The following DMBT1 variants were observed in gnomAD, a reference collection of about 807,000 sequenced individuals.
DMBT1 encodes the protein scavenger receptor cysteine-rich domain-containing protein DMBT1.
In DMBT1, 198 loss-of-function variants were observed where a neutral mutation model predicts 252.9. That is an observed-to-expected ratio of 0.78 (90% CI 0.70 to 0.88). The LOEUF is 0.88. Ranked by LOEUF, DMBT1 falls within the 40% of genes least tolerant of loss-of-function variation. The pLI is 0.00. For synonymous variants in DMBT1, 990 were observed against 942.7 expected (o/e 1.05, Z -0.92); for missense variants, 2,432 against 2,404.7 (o/e 1.01, Z -0.24).
At chr10:122,631,414 A>G in intron 49 of DMBT1, 133 bp downstream of exon 49, 1 of 1,140,084 alleles carries the variant, frequency 8.8e-7, no homozygotes, top group Non-Finnish European at 1.2e-6. Flanking sequence ...TGCGCACTCC[A>G]GAAGAGCATG....
chr10:122,634,472 CTCTCTCTCTTTCTCTCTT>C (rs1566009840), intron 52 of DMBT1, among the ~76,000 whole-genome samples: 4 of 104,054 alleles, frequency 3.8e-5, no homozygotes, highest in African/African-American at 1.9e-4. Flanking sequence ...CTCTCTCTCT[CTCTCTCTCTTTCTCTCTT>C]TTTCTTTCTT....
chr10:122,643,560 G>T lies in DMBT1; in HGVS notation c.*162G>T. On this transcript the variant is annotated 3_prime_UTR_variant, in exon 56 of 56. Coordinates refer to ENST00000338354, the MANE Select transcript of DMBT1 (RefSeq NM_001377530.1). ...AGACCTGGTTCCCGCCTCCCCCAAG[G>T]CTCATGGTCCTTGGAGGACCCGTTG... The T allele has an allele frequency of 9.3e-7, 1 of 1,069,762 alleles. No homozygotes were observed. Among genetic ancestry groups the T allele is most frequent in the Admixed American group, 2.7e-5 (1 of 36,706 alleles). 66.3% of individuals were successfully genotyped at this position (1,069,762 alleles called of 1,614,324 possible).
intron 10 of DMBT1, 146 bp downstream of exon 10, chr10:122,580,047 T>G (rs2097754310): frequency 6.0e-5 from 88 of 1,454,658 alleles, no homozygotes; most frequent in Non-Finnish European, 7.9e-5. Context: ...AGAATCCATA[T>G]GTACTCACTG....
chr10:122,566,458 C>T (rs567668801), intron 2 of DMBT1, among the ~76,000 whole-genome samples: 35 of 151,994 alleles, frequency 2.3e-4, no homozygotes, highest in African/African-American at 7.5e-4. Context: ...ACTACAGGTG[C>T]GCACCACCAC....
At chr10:122,581,891 ATAGGATG>A in intron 12 of DMBT1, 66 bp downstream of exon 12, 1 of 369,888 alleles carries the variant, frequency 2.7e-6, no homozygotes, top group Non-Finnish European at 4.6e-6. Flanking sequence ...TTTGAAACTG[ATAGGATG>A]AGGCTCAATG....
chr10:122,568,335 G>A (rs2097621449), intron 2 of DMBT1, among the ~76,000 whole-genome samples: 1 of 152,126 alleles, frequency 6.6e-6, no homozygotes, highest in African/African-American at 2.4e-5. Flanking sequence ...GGCTGTCAGG[G>A]CTGAGTCAGA....
intron 46 of DMBT1, among the ~76,000 whole-genome samples, chr10:122,628,079 A>G (rs1326636396): frequency 1.3e-5 from 2 of 152,214 alleles, no homozygotes. Flanking sequence ...GGGAATGTAA[A>G]ATGGTACAGC....
intron 1 of DMBT1, among the ~76,000 whole-genome samples, chr10:122,562,012 C>T (rs1274304753): frequency 2.6e-5 from 4 of 151,482 alleles, no homozygotes; most frequent in African/African-American, 9.7e-5. Flanking sequence ...ACCTTCCCTC[C>T]CCCTCTCTTT....
At chr10:122,623,923 A>G (rs1198164142) in intron 44 of DMBT1, among the ~76,000 whole-genome samples, 1 of 152,222 alleles carries the variant, frequency 6.6e-6, no homozygotes, top group Non-Finnish European at 1.5e-5. Context: ...GGTATGCACA[A>G]CTAAGTGTCC....
At chr10:122,588,012 A>C (rs1465000125) in intron 16 of DMBT1, among the ~76,000 whole-genome samples, 2 of 148,620 alleles carry the variant, frequency 1.3e-5, no homozygotes, top group Non-Finnish European at 3.0e-5. Flanking sequence ...AGCAAGTGGC[A>C]AAAACCAGAA....
chr10:122,621,261 C>G lies in DMBT1; in HGVS notation c.5489C>G (p.Pro1830Arg). 2 of 1,613,804 alleles carry G rather than the reference C, an allele frequency of 1.2e-6. No homozygotes were observed. Among genetic ancestry groups the G allele is most frequent in the East Asian group, 2.2e-5 (1 of 44,866 alleles). Residue 1830 changes from proline (P) to arginine (R), a missense_variant, in exon 44 of 56, where the codon CCC (proline) becomes CGC (arginine). This residue lies in a region of DMBT1 where 1,162 missense variants were observed against 1,169.0 expected (regional missense o/e 0.99). Transcript: ENST00000338354. ...GCCCGGTTTGGCCAGGGCTCAGGAC[C>G]CATTGTCCTGGATGATGTGCGCTGC... Reference protein sequence around the residue: ...GNARFGQGSGPIVLDDVRCSG... With the variant: ...GNARFGQGSGRIVLDDVRCSG...
chr10:122,637,062 C>T (rs1191671883), intron 53 of DMBT1, 66 bp from the exon 54 acceptor site: 1 of 1,495,250 alleles, frequency 6.7e-7, no homozygotes, highest in Non-Finnish European at 9.1e-7. Context: ...GAAACAGCCT[C>T]TGGCCCCGTA....
chr10:122,562,595 C>T (rs184479490), intron 1 of DMBT1, among the ~76,000 whole-genome samples: 1 of 152,368 alleles, frequency 6.6e-6, no homozygotes, highest in Admixed American at 6.5e-5. Flanking sequence ...TGAACCATGA[C>T]ATGGAATTCA....
chr10:122,589,378 CT>C, intron 17 of DMBT1, 111 bp downstream of exon 17: 3 of 1,473,152 alleles, frequency 2.0e-6, no homozygotes, highest in Non-Finnish European at 2.7e-6. Flanking sequence ...TCCTATGTTT[CT>C]GATATCTCCT....
Position 122,598,922 on chromosome 10 carries a change from C to A in DMBT1, c.3105C>A (p.Gly1035=). 6.2e-7 allele frequency: 1 copy of A among 1,613,834 alleles called. No individual in the cohort carries two copies. Among genetic ancestry groups the A allele is most frequent in the African/African-American group, 1.3e-5 (1 of 75,050 alleles). Residue 1035 remains glycine (G), a synonymous_variant, in exon 26 of 56, where the codon GGC becomes GGA. Transcript: ENST00000338354. The part of the protein sequence containing the change: ...NDANVVCRQL[G]CGWAMSAPGN... ...CCAATGTCGTCTGCAGGCAACTGGG[C>A]TGTGGCTGGGCCATGTCAGCCCCAG... is the stretch of plus-strand genomic sequence containing the variant.
Position 122,579,655 on chromosome 10 carries a change from G to A in DMBT1, c.757G>A (p.Gly253Ser), listed in dbSNP as rs200816232. 654 of 1,613,800 alleles carry A rather than the reference G, an allele frequency of 4.1e-4. 3 individuals are homozygous for A. Among genetic ancestry groups the A allele is most frequent in the Non-Finnish European group, 1.4e-4 (170 of 1,179,784 alleles). The change falls in exon 10 of 56, where the codon GGC becomes AGC. Residue 253 changes from glycine to serine, a missense_variant. Physicochemically the swap from Gly to Ser is moderately conservative, Grantham distance 56. Coordinates refer to ENST00000338354, the MANE Select transcript of DMBT1 (RefSeq NM_001377530.1). ...CRGRVEVLYR[G>S]SWGTVCDDYW... ...AGGCCGAGTGGAGGTCCTATACCGA[G>A]GCTCCTGGGGCACCGTGTGTGATGA...
intron 54 of DMBT1, among the ~76,000 whole-genome samples, chr10:122,639,451 G>T (rs561260334): frequency 2.0e-5 from 3 of 152,244 alleles, no homozygotes; most frequent in African/African-American, 7.2e-5. Flanking sequence ...GATTTGGGTA[G>T]GTAGTGGAAA....
chr10:122,578,616 G>A (rs1356203564), intron 8 of DMBT1, 102 bp from the exon 9 acceptor site: 2 of 1,017,112 alleles, frequency 2.0e-6, no homozygotes, highest in South Asian at 1.4e-5. Context: ...ACCTTCGAGT[G>A]GAATTGTTTT....
intron 25 of DMBT1, 139 bp from the exon 26 acceptor site, chr10:122,598,635 C>T: frequency 2.0e-6 from 3 of 1,532,494 alleles, no homozygotes; most frequent in Non-Finnish European, 2.6e-6. Flanking sequence ...GAAGCTGAAT[C>T]TCTGATTTTA....
Sources: allele counts gnomAD v4.1 joint callset (sites outside exome capture counted in the v4.1 genomes callset), GRCh38; gene constraint gnomAD v4.1.1; regional missense constraint gnomAD v4.1.1; transcripts MANE v1.5; gene names NCBI Gene and HGNC (gene_info 2026-07-23, HGNC 2026-07-21).